Variants in M1AP observed in about 807,000 individuals in gnomAD.
M1AP encodes meiosis 1 arrest protein.
A neutral mutation model predicts 51.2 loss-of-function variants in M1AP; 39 were observed. The observed-to-expected ratio is 0.76, with a 90% CI of 0.59 to 1.00. The LOEUF is 1.00. Among genes scored for constraint, M1AP ranks in the 50% least tolerant of loss-of-function variants. M1AP has a pLI of 0.00. For missense variants in M1AP, 545 were observed against 641.2 expected (o/e 0.85, Z 1.62); for synonymous variants, 251 against 249.2 (o/e 1.01, Z -0.07).
At chr2:74,625,620 T>G (rs1001468059) in intron 2 of M1AP, among the ~76,000 whole-genome samples, 3 of 152,210 alleles carry the variant, frequency 2.0e-5, no homozygotes, top group Non-Finnish European at 2.9e-5. Context: ...GTTTTCTTAG[T>G]AAAGGGCACT....
intron 2 of M1AP, among the ~76,000 whole-genome samples, chr2:74,638,710 A>G (rs1683124443): frequency 6.6e-6 from 1 of 152,184 alleles, no homozygotes; most frequent in Non-Finnish European, 1.5e-5. Context: ...CCATCTTGCA[A>G]CTGGATCCTC....
intron 7 of M1AP, among the ~76,000 whole-genome samples, chr2:74,569,816 T>G (rs1486771164): frequency 6.6e-6 from 1 of 152,006 alleles, no homozygotes; most frequent in Non-Finnish European, 1.5e-5. Context: ...TTATAATATA[T>G]GGCTGAGAGA....
chr2:74,629,122 T>C (rs1558692764), intron 2 of M1AP, among the ~76,000 whole-genome samples: 2 of 152,226 alleles, frequency 1.3e-5, no homozygotes, highest in Admixed American at 6.5e-5. Context: ...CAAAATTGGA[T>C]GTTGAATTTT....
chr2:74,609,271 A>G (rs1285271040), intron 3 of M1AP, among the ~76,000 whole-genome samples: 1 of 152,152 alleles, frequency 6.6e-6, no homozygotes, highest in Non-Finnish European at 1.5e-5. Context: ...TATGAGATCA[A>G]CGTTTTTAGA....
intron 4 of M1AP, among the ~76,000 whole-genome samples, chr2:74,592,253 G>T (rs1680090739): frequency 6.6e-6 from 1 of 152,140 alleles, no homozygotes; most frequent in African/African-American, 2.4e-5. Context: ...AGGGATAGAA[G>T]TAAAACACAT....
chr2:74,562,575 G>C, intron 7 of M1AP, 152 bp from the exon 8 acceptor site: 1 of 700,778 alleles, frequency 1.4e-6, no homozygotes, highest in Non-Finnish European at 2.4e-6. Flanking sequence ...CTTCCTGCAT[G>C]AATCATCAAT....
At chr2:74,616,807 G>T (rs1681693878) in intron 2 of M1AP, among the ~76,000 whole-genome samples, 1 of 152,126 alleles carries the variant, frequency 6.6e-6, no homozygotes, top group African/African-American at 2.4e-5. Flanking sequence ...CTTAATAATT[G>T]GAAATATTCC....
At chr2:74,611,671 A>T (rs1409257010) in intron 3 of M1AP, among the ~76,000 whole-genome samples, 8 of 151,686 alleles carry the variant, frequency 5.3e-5, no homozygotes, top group Admixed American at 5.2e-4. Flanking sequence ...CATCTCTACT[A>T]AAAATACAAA....
At chr2:74,595,376 G>C (rs1358843468) in intron 4 of M1AP, among the ~76,000 whole-genome samples, 7 of 151,898 alleles carry the variant, frequency 4.6e-5, no homozygotes, top group Non-Finnish European at 8.8e-5. Flanking sequence ...TTTTGAGACA[G>C]GGTCTCACTC....
At chr2:74,646,664 G>A (rs1683633446) in intron 1 of M1AP, among the ~76,000 whole-genome samples, 1 of 151,990 alleles carries the variant, frequency 6.6e-6, no homozygotes, top group Admixed American at 6.6e-5. Flanking sequence ...TACTATGAGA[G>A]TTTTTTTTCA....
At chr2:74,642,736 T>C (rs1056256821) in intron 1 of M1AP, among the ~76,000 whole-genome samples, 1 of 152,214 alleles carries the variant, frequency 6.6e-6, no homozygotes, top group African/African-American at 2.4e-5. Context: ...AAAGATCTCC[T>C]TGTCTTTTGT....
chr2:74,599,005 C>T (rs1053245121), intron 4 of M1AP, among the ~76,000 whole-genome samples: 3 of 151,890 alleles, frequency 2.0e-5, no homozygotes, highest in South Asian at 2.1e-4. Context: ...GGGCTGGGCA[C>T]GGTGGCTCAT....
At chr2:74,645,319 C>G (rs1246209654) in intron 1 of M1AP, among the ~76,000 whole-genome samples, 1 of 152,156 alleles carries the variant, frequency 6.6e-6, no homozygotes, top group African/African-American at 2.4e-5. Context: ...ACTGTAACAC[C>G]GCCAGGGTCC....
rs775437059 is a variant in M1AP, at chr2:74,640,022, A to G, written c.240+14T>C. On this transcript the variant is annotated intron_variant, in intron 2 of 10. Coordinates refer to ENST00000421985, the MANE Select transcript of M1AP (RefSeq NM_001321739.2). ...TGCTTTCAGGGTAAAATGAATAAAT[A>G]TAGATATACTTACCACAAAAGGGAG... 6.8e-6 allele frequency: 11 copies of G among 1,608,220 alleles called. No individual in the cohort carries two copies. The highest frequency in any genetic ancestry group is 1.7e-4 in the Middle Eastern group (1 of 6,050).
At chr2:74,629,321 T>G (rs796997455) in intron 2 of M1AP, among the ~76,000 whole-genome samples, 1 of 152,226 alleles carries the variant, frequency 6.6e-6, no homozygotes, top group South Asian at 2.1e-4. Context: ...ATCCCTAATC[T>G]AAAAGTCTGA....
chr2:74,601,561 A>T (rs952751246), intron 4 of M1AP, among the ~76,000 whole-genome samples: 1 of 152,134 alleles, frequency 6.6e-6, no homozygotes, highest in Non-Finnish European at 1.5e-5. Flanking sequence ...ATAATAAAAA[A>T]TTTTAAAATA....
At chr2:74,615,917 G>A (rs1681642409) in intron 2 of M1AP, 1 of 152,160 alleles carries the variant, frequency 6.6e-6, no homozygotes, top group Non-Finnish European at 1.5e-5. Context: ...TTGGGATGGG[G>A]ACACCTTCCT....
At chr2:74,631,917 A>T (rs1394329995) in intron 2 of M1AP, among the ~76,000 whole-genome samples, 1 of 152,196 alleles carries the variant, frequency 6.6e-6, no homozygotes, top group East Asian at 1.9e-4. Context: ...TTCTCCATTT[A>T]TATTTTAAGC....
At chr2:74,600,878 T>C (rs1047703660) in intron 4 of M1AP, among the ~76,000 whole-genome samples, 8 of 152,116 alleles carry the variant, frequency 5.3e-5, no homozygotes, top group Admixed American at 4.6e-4. Context: ...ACATTAAAAA[T>C]TATAGTCTTA....
Sources: gnomAD v4.1 joint callset for allele counts (sites outside exome capture counted in the v4.1 genomes callset) on GRCh38, gnomAD v4.1.1 for gene constraint, MANE v1.5 for transcripts, NCBI Gene and HGNC (gene_info 2026-07-23, HGNC 2026-07-21) for gene names.